SH3KBP1: variants seen among roughly 807,000 people sequenced by gnomAD.
SH3KBP1 encodes the protein SH3 domain containing kinase binding protein 1.
In SH3KBP1, 8 loss-of-function variants were observed where a neutral mutation model predicts 50.1. The ratio of observed to expected loss-of-function variants is 0.16; its 90% confidence interval spans 0.09 to 0.29. The LOEUF is 0.29. Ranked by LOEUF, SH3KBP1 falls within the 10% of genes least tolerant of loss-of-function variation. SH3KBP1 has a pLI of 1.00. For synonymous variants in SH3KBP1, 227 were observed against 218.6 expected (o/e 1.04, Z -0.34); for missense variants, 377 against 535.2 (o/e 0.70, Z 2.92).
At chrX:19,824,734 C>T (rs769658203) in intron 2 of SH3KBP1, among the ~76,000 whole-genome samples, 3 of 111,676 alleles carry the variant, frequency 2.7e-5, no homozygotes, top group Admixed American at 9.5e-5. Flanking sequence ...ATAATCACCA[C>T]GATCAACTCA....
chrX:19,701,289 A>G (rs1419943881), intron 4 of SH3KBP1, among the ~76,000 whole-genome samples: 2 of 111,959 alleles, frequency 1.8e-5, no homozygotes, highest in Non-Finnish European at 3.8e-5. Context: ...TCCCATTGCT[A>G]TTTCCAGGTG....
chrX:19,568,415 T>C (rs1300528843), intron 13 of SH3KBP1, among the ~76,000 whole-genome samples: 1 of 112,056 alleles, frequency 8.9e-6, no homozygotes, highest in Non-Finnish European at 1.9e-5. Flanking sequence ...TTTTTATATA[T>C]TTCTATCATT....
chrX:19,873,315 T>C (rs1216500256), intron 1 of SH3KBP1, among the ~76,000 whole-genome samples: 1 of 100,632 alleles, frequency 9.9e-6, no homozygotes, highest in Non-Finnish European at 2.0e-5. Context: ...TATATATACA[T>C]ATACATATAT....
chrX:19,731,569 G>A (rs2064379283), intron 3 of SH3KBP1, among the ~76,000 whole-genome samples: 1 of 111,741 alleles, frequency 8.9e-6, no homozygotes, highest in African/African-American at 3.3e-5. Context: ...TAAAACAGAT[G>A]TTTAATAAGT....
chrX:19,887,293 C>T lies in SH3KBP1; in HGVS notation c.4+14G>A. The T allele has an allele frequency of 1.0e-6, 1 of 973,437 alleles. No homozygotes were observed. The highest frequency in any genetic ancestry group is 3.7e-5 in the South Asian group (1 of 27,069). 80.2% of individuals were successfully genotyped at this position (973,437 alleles called of 1,213,427 possible). A position where few individuals can be genotyped will look rare whatever the true frequency, so the allele number is the denominator to read the frequency against. On this transcript the variant is annotated intron_variant, in intron 1 of 17. Transcript: ENST00000397821. ...GCTGAAGTGGACGCCCGGACGCGGG[C>T]GGCCCCCACTCACCCATTGGCGTCG...
intron 5 of SH3KBP1, chrX:19,695,147 C>T: frequency 1.4e-6 from 1 of 724,294 alleles, no homozygotes; most frequent in Non-Finnish European, 2.1e-6. Context: ...GTTGTCTTGA[C>T]CTACTTTTAA....
intron 16 of SH3KBP1, among the ~76,000 whole-genome samples, chrX:19,538,736 A>T (rs980651772): frequency 1.6e-4 from 17 of 109,399 alleles, no homozygotes; most frequent in African/African-American, 4.7e-4. Context: ...ACAGGCACAC[A>T]CCACCATGCC....
intron 4 of SH3KBP1, among the ~76,000 whole-genome samples, chrX:19,704,858 C>T (rs2063616799): frequency 8.9e-6 from 1 of 112,404 alleles, no homozygotes; most frequent in Non-Finnish European, 1.9e-5. Flanking sequence ...AATTCTCCTT[C>T]TTATTTTTCA....
chrX:19,814,961 G>A (rs2067311546), intron 2 of SH3KBP1, among the ~76,000 whole-genome samples: 1 of 111,901 alleles, frequency 8.9e-6, no homozygotes, highest in Non-Finnish European at 1.9e-5. Flanking sequence ...AAAGCTGGGG[G>A]TGGGGCTTCC....
At chrX:19,727,695 T>C (rs1305625090) in intron 3 of SH3KBP1, among the ~76,000 whole-genome samples, 1 of 112,435 alleles carries the variant, frequency 8.9e-6, no homozygotes, top group Non-Finnish European at 1.9e-5. Flanking sequence ...CTTTAAAAAA[T>C]ATCACTTAGG....
chrX:19,683,102 A>G (rs771843001), intron 6 of SH3KBP1, among the ~76,000 whole-genome samples: 1 of 111,583 alleles, frequency 9.0e-6, no homozygotes, highest in South Asian at 3.8e-4. Flanking sequence ...CACAGTATTT[A>G]TCAACTCCTA....
At chrX:19,797,574 G>A (rs1193440982) in intron 2 of SH3KBP1, among the ~76,000 whole-genome samples, 2 of 111,851 alleles carry the variant, frequency 1.8e-5, no homozygotes, top group East Asian at 2.8e-4. Flanking sequence ...TTACTTTGAT[G>A]TTGGTTAAGA....
At chrX:19,691,278 C>T (rs1301856792) in intron 5 of SH3KBP1, among the ~76,000 whole-genome samples, 2 of 104,860 alleles carry the variant, frequency 1.9e-5, no homozygotes, top group Non-Finnish European at 3.9e-5. Flanking sequence ...ACCTAGGTGG[C>T]AGGTTTACTC....
chrX:19,863,717 C>G (rs904745534), intron 1 of SH3KBP1, among the ~76,000 whole-genome samples: 2 of 111,276 alleles, frequency 1.8e-5, no homozygotes, highest in Non-Finnish European at 3.8e-5. Flanking sequence ...CCAACACCCC[C>G]CAACCTCCCT....
chrX:19,718,983 T>A (rs1292572023), intron 3 of SH3KBP1, among the ~76,000 whole-genome samples: 1 of 111,587 alleles, frequency 9.0e-6, no homozygotes, highest in East Asian at 2.8e-4. Context: ...CCCTGTGGTG[T>A]CCATCTTCCG....
At chrX:19,645,349 G>T in intron 7 of SH3KBP1, 51 bp downstream of exon 7, 2 of 966,885 alleles carry the variant, frequency 2.1e-6, no homozygotes, top group Non-Finnish European at 2.9e-6. Flanking sequence ...TCTGTTATTG[G>T]GAAATCCTTA....
intron 2 of SH3KBP1, among the ~76,000 whole-genome samples, chrX:19,788,269 C>CAAA (rs1227301099): frequency 0.013 from 337 of 25,504 alleles, 16 homozygotes; most frequent in African/African-American, 0.032. Flanking sequence ...ATTCTATCTC[C>CAAA]AAAAAAAAAA....
chrX:19,625,098 A>G (rs924369791), intron 8 of SH3KBP1, among the ~76,000 whole-genome samples: 3 of 112,237 alleles, frequency 2.7e-5, no homozygotes, highest in African/African-American at 6.5e-5. Flanking sequence ...TCTTCCTGCC[A>G]AGCTAAGGAT....
At chrX:19,573,192 T>C (rs772173086) in intron 12 of SH3KBP1, among the ~76,000 whole-genome samples, 11 of 112,270 alleles carry the variant, frequency 9.8e-5, no homozygotes, top group Non-Finnish European at 1.5e-4. Flanking sequence ...ATCATATATA[T>C]AGGAAAAAGA....
Sources: gnomAD v4.1 joint callset for allele counts (sites outside exome capture counted in the v4.1 genomes callset) on GRCh38, gnomAD v4.1.1 for gene constraint, MANE v1.5 for transcripts, NCBI Gene and HGNC (gene_info 2026-07-23, HGNC 2026-07-21) for gene names.